Variants in ARHGAP21 observed in about 807,000 individuals in gnomAD.
The protein encoded by ARHGAP21 is Rho GTPase activating protein 21, also known as rho GTPase-activating protein 21.
ARHGAP21 carries 38 observed loss-of-function variants against 164.6 expected under a neutral mutation model. The ratio of observed to expected loss-of-function variants is 0.23; its 90% CI spans 0.18 to 0.30. The LOEUF (loss-of-function observed/expected upper bound fraction) is 0.30. ARHGAP21 is among the 10% of genes least tolerant of loss of function. The probability of loss-of-function intolerance (pLI) is 1.00; values close to 1 mark genes in which losing one functional copy is unlikely to be tolerated. For missense variants in ARHGAP21, 1,822 were observed against 2,370.7 expected (o/e 0.77, Z 4.81); for synonymous variants, 766 against 857.9 (o/e 0.89, Z 1.87).
At chr10:24,713,221 A>C (rs6482417) in intron 2 of ARHGAP21, among the ~76,000 whole-genome samples, 2 of 152,024 alleles carry the variant, frequency 1.3e-5, no homozygotes, top group Non-Finnish European at 2.9e-5. Flanking sequence ...CTTAGGTTGT[A>C]CGAAGGGCAA....
chr10:24,586,242 T>A, intron 25 of ARHGAP21, 136 bp from the exon 26 acceptor site: 1 of 1,030,890 alleles, frequency 9.7e-7, no homozygotes, highest in Non-Finnish European at 1.3e-6. Flanking sequence ...TGCAATTAGC[T>A]TTTTTTTTAA....
At chr10:24,605,795 C>G (rs997014591) in intron 11 of ARHGAP21, 3 of 147,768 alleles carry the variant, frequency 2.0e-5, no homozygotes, top group African/African-American at 7.3e-5. Flanking sequence ...GGTTCAAATA[C>G]TAAAATAAAA....
chr10:24,671,730 T>C (rs1033132161), intron 2 of ARHGAP21, among the ~76,000 whole-genome samples: 9 of 151,656 alleles, frequency 5.9e-5, no homozygotes, highest in Admixed American at 5.9e-4. Context: ...AAAATTTTTT[T>C]TTTTTTTTTT....
intron 4 of ARHGAP21, among the ~76,000 whole-genome samples, chr10:24,658,696 G>C (rs912245347): frequency 6.6e-6 from 1 of 152,026 alleles, no homozygotes; most frequent in Non-Finnish European, 1.5e-5. Context: ...GGGGAGAGAG[G>C]AGGCATAGCA....
At chr10:24,611,984 G>A (rs951413176) in intron 9 of ARHGAP21, among the ~76,000 whole-genome samples, 8 of 152,084 alleles carry the variant, frequency 5.3e-5, no homozygotes, top group African/African-American at 1.9e-4. Context: ...CACTGTTACA[G>A]GTTAGGGCAC....
chr10:24,600,498 T>C, intron 14 of ARHGAP21, 148 bp downstream of exon 14: 1 of 946,250 alleles, frequency 1.1e-6, no homozygotes, highest in South Asian at 2.0e-5. Flanking sequence ...AAAACAGGTA[T>C]GTTTGAGTTT....
At chr10:24,591,391 AAAC>A (rs1351192790) in intron 23 of ARHGAP21, 61 bp from the exon 24 acceptor site, 11 of 1,438,614 alleles carry the variant, frequency 7.6e-6, no homozygotes, top group African/African-American at 1.4e-5. Flanking sequence ...TTTAAAATTT[AAAC>A]AACATTTAGT....
chr10:24,648,849 T>A, intron 4 of ARHGAP21: 2 of 985,084 alleles, frequency 2.0e-6, no homozygotes, highest in Non-Finnish European at 2.4e-6. Context: ...CCCCTTTATA[T>A]CTGAGGCTCC....
chr10:24,593,751 T>C (rs2076445394), intron 21 of ARHGAP21, among the ~76,000 whole-genome samples: 1 of 152,200 alleles, frequency 6.6e-6, no homozygotes, highest in Non-Finnish European at 1.5e-5. Context: ...TGATGAATGA[T>C]GTAATAGATT....
At chr10:24,687,127 G>GATCAC (rs3073326) in intron 2 of ARHGAP21, among the ~76,000 whole-genome samples, 9 of 151,530 alleles carry the variant, frequency 5.9e-5, no homozygotes, top group South Asian at 2.1e-4. Flanking sequence ...GAGGTGGGAG[G>GATCAC]GTGAGCCCAT....
chr10:24,699,845 T>C (rs562536433), intron 2 of ARHGAP21, among the ~76,000 whole-genome samples: 47 of 152,196 alleles, frequency 3.1e-4, no homozygotes, highest in African/African-American at 1.1e-3. Flanking sequence ...CTCTGTAGAG[T>C]TGGTTAAATA....
intron 8 of ARHGAP21, among the ~76,000 whole-genome samples, chr10:24,622,433 CATATATATATATATATATATAT>C (rs10530408): frequency 0.058 from 5,204 of 89,756 alleles, 316 homozygotes; most frequent in South Asian, 0.097. Context: ...ACTTAAAAAA[CATATATATATATATATATATAT>C]ATATATATAT....
chr10:24,683,929 T>C (rs1174293990), intron 2 of ARHGAP21, among the ~76,000 whole-genome samples: 1 of 152,132 alleles, frequency 6.6e-6, no homozygotes, highest in Non-Finnish European at 1.5e-5. Context: ...CAAATCAAAA[T>C]AAAAATACTT....
chr10:24,675,675 T>A (rs979612831), intron 2 of ARHGAP21, among the ~76,000 whole-genome samples: 1 of 152,056 alleles, frequency 6.6e-6, no homozygotes, highest in African/African-American at 2.4e-5. Context: ...AGTGTGTGAA[T>A]GAGGAAACAT....
intron 14 of ARHGAP21, among the ~76,000 whole-genome samples, chr10:24,600,206 CAGT>C (rs1261403464): frequency 6.7e-6 from 1 of 149,248 alleles, no homozygotes; most frequent in African/African-American, 2.5e-5. Context: ...TATTGTGTGA[CAGT>C]AGGCTATTCC....
Position 24,609,429 on chromosome 10 carries a change from C to T in ARHGAP21, c.2423-1526G>A, listed in dbSNP as rs916860968. ...AAACAGGTGGGAGGATAGATACTCA[C>T]CTGTTCTAAAGGAGGACTGAATGGA... On this transcript the variant is annotated intron_variant, in intron 9 of 25. Transcript: ENST00000396432. Among the ~76,000 whole-genome samples the T allele has an allele frequency of 4.6e-5, 7 of 152,234 alleles. No individual in the cohort carries two copies. In the South Asian group the frequency reaches 1.2e-3, roughly 27 times the overall value.
intron 3 of ARHGAP21, among the ~76,000 whole-genome samples, chr10:24,669,453 TATC>T (rs1436933480): frequency 1.3e-5 from 2 of 152,190 alleles, no homozygotes; most frequent in African/African-American, 4.8e-5. Context: ...CTCTTCTGAA[TATC>T]ATCATTTCCA....
rs1292879659 is a variant in ARHGAP21, at chr10:24,610,953, A to AAAGC, written c.2423-3054_2423-3051dup. Reference sequence around the variant, plus strand: ...AACCTATTACTGAAATGATCAAATAAAAGCAAGATGAAACAGTGATTTATA... The same window carrying AAAGC: ...AACCTATTACTGAAATGATCAAATAAAAGCAAGCAAGATGAAACAGTGATTTATA... On this transcript the variant is annotated intron_variant, in intron 9 of 25. Coordinates refer to ENST00000396432, the MANE Select transcript of ARHGAP21 (RefSeq NM_020824.4). Among the ~76,000 whole-genome samples, 9 of 152,350 alleles carry AAAGC rather than the reference A, an allele frequency of 5.9e-5. No homozygotes were observed. In the East Asian group the frequency reaches 1.7e-3, roughly 29 times the overall value.
chr10:24,606,421 A>C (rs1315003413), intron 11 of ARHGAP21, among the ~76,000 whole-genome samples: 1 of 152,154 alleles, frequency 6.6e-6, no homozygotes, highest in African/African-American at 2.4e-5. Context: ...AATATACGAA[A>C]TGGTGTTCAA....
Sources: allele counts gnomAD v4.1 joint callset (sites outside exome capture counted in the v4.1 genomes callset), GRCh38; gene constraint gnomAD v4.1.1; transcripts MANE v1.5; gene names NCBI Gene and HGNC (gene_info 2026-07-23, HGNC 2026-07-21).